Variants in TENM2 observed in about 807,000 individuals in gnomAD.
TENM2 encodes the protein teneurin-2.
A neutral mutation model predicts 245.2 loss-of-function variants in TENM2; 52 were observed. That is an observed-to-expected ratio of 0.21 (90% CI 0.17 to 0.27). TENM2 has a LOEUF of 0.27. Ranked by LOEUF, TENM2 falls within the 10% of genes least tolerant of loss-of-function variation. TENM2 has a pLI of 1.00. For missense variants in TENM2, 3,046 were observed against 3,666.8 expected, an observed-to-expected ratio of 0.83 and a Z score of 4.37; for synonymous variants, 1,363 against 1,438.9, an observed-to-expected ratio of 0.95 and a Z score of 1.19.
chr5:167,489,145 T>TA, intron 2 of TENM2, among the ~76,000 whole-genome samples: 1 of 152,322 alleles, frequency 6.6e-6, no homozygotes, highest in Non-Finnish European at 1.5e-5. Context: ...TCTTTGTTCT[T>TA]AAAAATGGCA....
the TENM2 span, among the ~76,000 whole-genome samples, chr5:167,038,409 C>T: frequency 6.6e-6 from 1 of 152,258 alleles, no homozygotes; most frequent in African/African-American, 2.4e-5. Context: ...CGGAGGACCA[C>T]GACTGTCCTC....
chr5:167,385,358 C>T (rs911674158), intron 2 of TENM2, among the ~76,000 whole-genome samples: 4 of 151,660 alleles, frequency 2.6e-5, no homozygotes, highest in African/African-American at 9.7e-5. Context: ...TTTAATCAGA[C>T]TTGAAAGAGA....
At chr5:167,634,647 G>A (rs766653455) in intron 2 of TENM2, among the ~76,000 whole-genome samples, 16 of 151,648 alleles carry the variant, frequency 1.1e-4, no homozygotes, top group Non-Finnish European at 1.9e-4. Context: ...TGATGGCTCT[G>A]TAAATAAAGC....
chr5:167,697,491 C>T (rs1377913902), intron 2 of TENM2, among the ~76,000 whole-genome samples: 3 of 152,164 alleles, frequency 2.0e-5, no homozygotes, highest in Non-Finnish European at 4.4e-5. Context: ...CAGTGCCTGG[C>T]ACATTGCAGT....
At chr5:167,239,195 T>C in the TENM2 span, among the ~76,000 whole-genome samples, 1 of 152,222 alleles carries the variant, frequency 6.6e-6, no homozygotes, top group Non-Finnish European at 1.5e-5. Context: ...TAATGTCGAA[T>C]GTCATGGCTA....
intron 2 of TENM2, among the ~76,000 whole-genome samples, chr5:167,582,319 G>C (rs1233293288): frequency 6.6e-6 from 1 of 152,164 alleles, no homozygotes; most frequent in African/African-American, 2.4e-5. Context: ...TTGAGCATAT[G>C]TTTTTAAATG....
At chr5:168,135,492 T>G (rs1754970398) in intron 12 of TENM2, among the ~76,000 whole-genome samples, 1 of 152,338 alleles carries the variant, frequency 6.6e-6, no homozygotes, top group South Asian at 2.1e-4. Context: ...ATTGCTTGCT[T>G]CTTTATCCTT....
At chr5:167,381,685 T>C (rs1165999649) in intron 2 of TENM2, among the ~76,000 whole-genome samples, 1 of 152,132 alleles carries the variant, frequency 6.6e-6, no homozygotes. Flanking sequence ...TACACTGTTG[T>C]TTAAGGTCTG....
chr5:167,317,671 C>A (rs184736175), intron 1 of TENM2, among the ~76,000 whole-genome samples: 2 of 152,280 alleles, frequency 1.3e-5, no homozygotes, highest in Admixed American at 1.3e-4. Context: ...ACATTCATCG[C>A]ATGCACTTGG....
chr5:168,118,471 G>C, exon 10 of TENM2: 2 of 1,557,860 alleles, frequency 1.3e-6, no homozygotes, highest in South Asian at 1.2e-5. Flanking sequence ...CTACAAAGGC[G>C]AGCACTGTGA....
At chr5:167,942,219 A>G (rs1012441457) in intron 3 of TENM2, among the ~76,000 whole-genome samples, 2 of 152,198 alleles carry the variant, frequency 1.3e-5, no homozygotes, top group African/African-American at 4.8e-5. Context: ...AAAAAAAGTA[A>G]ATAAATAAAT....
intron 2 of TENM2, among the ~76,000 whole-genome samples, chr5:167,705,705 T>G (rs565470637): frequency 6.6e-6 from 1 of 152,176 alleles, no homozygotes; most frequent in South Asian, 2.1e-4. Context: ...CAAAGAGACA[T>G]TATTAAAAAT....
the TENM2 span, among the ~76,000 whole-genome samples, chr5:167,017,445 C>T: frequency 6.6e-6 from 1 of 152,148 alleles, no homozygotes; most frequent in African/African-American, 2.4e-5. Context: ...CAAATAACTG[C>T]TCAACTCTGC....
At chr5:167,266,790 G>C in the TENM2 span, among the ~76,000 whole-genome samples, 1 of 152,142 alleles carries the variant, frequency 6.6e-6, no homozygotes, top group Admixed American at 6.6e-5. Context: ...AAAGGTTTCA[G>C]ACACCCAGGT....
intron 1 of TENM2, among the ~76,000 whole-genome samples, chr5:167,329,596 C>T (rs558600395): frequency 1.3e-3 from 197 of 147,656 alleles, no homozygotes; most frequent in African/African-American, 4.7e-3. Flanking sequence ...GGCATACTCC[C>T]CTTACGTTTT....
chr5:168,111,776 T>C lies in TENM2; in HGVS notation c.1814-6516T>C, dbSNP rs187241874. 3.8e-3 allele frequency among the ~76,000 whole-genome samples: 586 copies of C among 152,252 alleles called. 4 individuals are homozygous for C. The highest frequency in any genetic ancestry group is 0.013 in the African/African-American group (558 of 41,542). ...GCAGCATTGGGTGTAAGCAGCCTTATTTTTTTCCCCGATCAGATAAGCCAA... is the reference window on the plus strand; with the variant it reads ...GCAGCATTGGGTGTAAGCAGCCTTACTTTTTTCCCCGATCAGATAAGCCAA... On this transcript the variant is annotated intron_variant, in intron 9 of 28. Transcript: ENST00000518659.
chr5:167,148,336 A>G, the TENM2 span, among the ~76,000 whole-genome samples: 1 of 152,212 alleles, frequency 6.6e-6, no homozygotes, highest in African/African-American at 2.4e-5. Context: ...CCTTAAAATT[A>G]TTGTAAAACA....
chr5:168,173,611 C>G (rs1759058839), intron 13 of TENM2, among the ~76,000 whole-genome samples: 1 of 152,176 alleles, frequency 6.6e-6, no homozygotes, highest in Non-Finnish European at 1.5e-5. Flanking sequence ...GGACAGACCA[C>G]TCACCACCAA....
At chr5:167,462,175 A>ACCCC (rs1475191708) in intron 2 of TENM2, among the ~76,000 whole-genome samples, 1,752 of 52,396 alleles carry the variant, frequency 0.033, 62 homozygotes, top group Non-Finnish European at 0.044. Flanking sequence ...GAGTTCCCTG[A>ACCCC]CCCCCACCCC....
Sources: gnomAD v4.1 joint callset for allele counts (sites outside exome capture counted in the v4.1 genomes callset) on GRCh38, gnomAD v4.1.1 for gene constraint, MANE v1.5 for transcripts, NCBI Gene and HGNC (gene_info 2026-07-23, HGNC 2026-07-21) for gene names.